PTPRD: variants seen among roughly 807,000 people sequenced by gnomAD.
The protein encoded by PTPRD is protein tyrosine phosphatase receptor type D, also known as receptor-type tyrosine-protein phosphatase delta.
Under a neutral mutation model 214.5 loss-of-function variants are expected in PTPRD, and 34 were observed. The observed-to-expected ratio is 0.16, with a 90% confidence interval of 0.12 to 0.21. The LOEUF is 0.21. Ranked by LOEUF, PTPRD falls within the 10% of genes least tolerant of loss-of-function variation. The pLI, the probability that PTPRD is intolerant of heterozygous loss-of-function variation, is 1.00. For missense variants in PTPRD, 2,545 were observed against 2,398.7 expected, an observed-to-expected ratio of 1.06 and a Z score of -1.27; for synonymous variants, 1,128 against 845.7, an observed-to-expected ratio of 1.33 and a Z score of -5.79.
intron 5 of PTPRD, among the ~76,000 whole-genome samples, chr9:9,932,015 T>C (rs1443356298): frequency 5.3e-5 from 8 of 151,642 alleles, no homozygotes; most frequent in Non-Finnish European, 1.2e-4. Context: ...CAGCTGAGGG[T>C]CCTGTCTGTT....
intron 14 of PTPRD, among the ~76,000 whole-genome samples, chr9:8,604,934 A>T (rs911737072): frequency 1.6e-4 from 25 of 152,204 alleles, no homozygotes; most frequent in African/African-American, 5.5e-4. Context: ...AGGTATGGGA[A>T]AGTAAGCAAG....
chr9:9,055,024 G>A (rs2099693635), intron 10 of PTPRD, among the ~76,000 whole-genome samples: 1 of 152,108 alleles, frequency 6.6e-6, no homozygotes, highest in Non-Finnish European at 1.5e-5. Context: ...ATATTTGCAA[G>A]GACTGAAACT....
At chr9:9,427,494 A>T (rs559758020) in intron 8 of PTPRD, among the ~76,000 whole-genome samples, 1 of 152,070 alleles carries the variant, frequency 6.6e-6, no homozygotes, top group Non-Finnish European at 1.5e-5. Context: ...ACTCTTCAGG[A>T]TATTATCCAG....
intron 8 of PTPRD, among the ~76,000 whole-genome samples, chr9:9,523,543 C>T (rs1031954216): frequency 6.6e-6 from 1 of 152,170 alleles, no homozygotes; most frequent in Non-Finnish European, 1.5e-5. Context: ...CTTTGCTTAT[C>T]TATAATTCCT....
At chr9:8,662,441 G>A (rs909104181) in intron 12 of PTPRD, among the ~76,000 whole-genome samples, 4 of 152,166 alleles carry the variant, frequency 2.6e-5, no homozygotes, top group Admixed American at 1.3e-4. Flanking sequence ...TTCATGGTAT[G>A]GTCTGGGTAC....
chr9:8,512,916 C>T (rs1193929188), intron 21 of PTPRD, among the ~76,000 whole-genome samples: 1 of 151,970 alleles, frequency 6.6e-6, no homozygotes, highest in Non-Finnish European at 1.5e-5. Flanking sequence ...TTTATTTCTA[C>T]TTCTTCTATA....
chr9:9,978,100 A>ACACACACACACACACG (rs2095420716), intron 4 of PTPRD, among the ~76,000 whole-genome samples: 1 of 87,624 alleles, frequency 1.1e-5, no homozygotes, highest in Admixed American at 1.2e-4. Context: ...CAAAATTAAA[A>ACACACACACACACACG]CACACACACA....
intron 11 of PTPRD, among the ~76,000 whole-genome samples, chr9:8,870,868 G>C (rs890104706): frequency 6.6e-6 from 1 of 152,128 alleles, no homozygotes; most frequent in Non-Finnish European, 1.5e-5. Flanking sequence ...TGTCCTGATA[G>C]CGCTTCAAAG....
At chr9:9,175,127 T>TA (rs2099923850) in intron 10 of PTPRD, among the ~76,000 whole-genome samples, 1 of 152,126 alleles carries the variant, frequency 6.6e-6, no homozygotes, top group Non-Finnish European at 1.5e-5. Flanking sequence ...TCCAGAACTA[T>TA]AAAAAATAAA....
At chr9:9,701,843 G>T (rs896678488) in intron 7 of PTPRD, among the ~76,000 whole-genome samples, 42 of 152,284 alleles carry the variant, frequency 2.8e-4, no homozygotes, top group African/African-American at 8.7e-4. Flanking sequence ...TATTGGCCAG[G>T]TGTGGTGGCT....
chr9:8,650,257 C>A (rs2096779873), intron 12 of PTPRD, among the ~76,000 whole-genome samples: 1 of 151,656 alleles, frequency 6.6e-6, no homozygotes, highest in South Asian at 2.1e-4. Flanking sequence ...TGGACGGGCA[C>A]GGTGGCTCAC....
chr9:10,399,561 T>C (rs1436381846), intron 2 of PTPRD, among the ~76,000 whole-genome samples: 3 of 151,898 alleles, frequency 2.0e-5, no homozygotes, highest in African/African-American at 7.2e-5. Context: ...GCTATGCATG[T>C]TCTTGAATAA....
chr9:8,801,729 T>G (rs1466570217), intron 11 of PTPRD, among the ~76,000 whole-genome samples: 5 of 152,084 alleles, frequency 3.3e-5, no homozygotes, highest in Non-Finnish European at 7.4e-5. Flanking sequence ...AAAAAATGAA[T>G]AAATAAATAA....
chr9:9,842,612 G>T (rs1599467454), intron 5 of PTPRD, among the ~76,000 whole-genome samples: 1 of 150,912 alleles, frequency 6.6e-6, no homozygotes, highest in African/African-American at 2.4e-5. Flanking sequence ...TGATTATGAA[G>T]AAAACTGTCC....
intron 12 of PTPRD, among the ~76,000 whole-genome samples, chr9:8,696,608 G>C (rs1487140157): frequency 6.6e-6 from 1 of 152,140 alleles, no homozygotes; most frequent in Non-Finnish European, 1.5e-5. Context: ...AGTTAGGTTA[G>C]ACGGAGAAAG....
At chr9:9,762,399 A>G (rs2098666248) in intron 6 of PTPRD, among the ~76,000 whole-genome samples, 2 of 152,198 alleles carry the variant, frequency 1.3e-5, no homozygotes, top group Admixed American at 1.3e-4. Context: ...TTTTTTTGCA[A>G]TATAAACAGA....
chr9:10,087,004 C>T (rs1031591666), intron 3 of PTPRD, among the ~76,000 whole-genome samples: 3 of 151,646 alleles, frequency 2.0e-5, no homozygotes, highest in Admixed American at 2.0e-4. Flanking sequence ...TAGGATTCAG[C>T]AATATCATTT....
intron 3 of PTPRD, 86 bp downstream of exon 3, chr9:10,340,877 T>A (rs1033938521): frequency 6.6e-6 from 1 of 151,940 alleles, no homozygotes; most frequent in Non-Finnish European, 1.5e-5. Flanking sequence ...GTTTTAAATA[T>A]TATTTCTCAA....
Position 8,411,451 on chromosome 9 carries a change from G to A in PTPRD, c.4087-6791C>T, listed in dbSNP as rs111804735. ...CCCAAGTAGCTGGGATTACAGGCAT[G>A]TGTCACCATGCCTGGCTAACTTTTG... is the stretch of plus-strand genomic sequence containing the variant. On this transcript the variant is annotated intron_variant, in intron 35 of 45. Transcript: ENST00000381196. Among the ~76,000 whole-genome samples the A allele has an allele frequency of 9.1e-4, 139 of 152,038 alleles. 1 individual carries two copies. Among genetic ancestry groups the A allele is most frequent in the Non-Finnish European group, 4.7e-4 (32 of 68,004 alleles).
Sources: gnomAD v4.1 joint callset for allele counts (sites outside exome capture counted in the v4.1 genomes callset) on GRCh38, gnomAD v4.1.1 for gene constraint, MANE v1.5 for transcripts, NCBI Gene and HGNC (gene_info 2026-07-23, HGNC 2026-07-21) for gene names.